The following ATRNL1 variants were observed in gnomAD, a reference collection of about 807,000 sequenced individuals.
ATRNL1 encodes attractin-like protein 1.
In ATRNL1, 95 loss-of-function variants were observed where a neutral mutation model predicts 182.7. That is an observed-to-expected ratio of 0.52 (90% CI 0.44 to 0.62). The LOEUF (loss-of-function observed/expected upper bound fraction) is 0.62. Ranked by LOEUF, ATRNL1 falls within the 20% of genes least tolerant of loss-of-function variation. The pLI is 0.00. For synonymous variants in ATRNL1, 576 were observed against 568.3 expected (o/e 1.01, Z -0.19); for missense variants, 1,471 against 1,679.5 (o/e 0.88, Z 2.17).
intron 24 of ATRNL1, among the ~76,000 whole-genome samples, chr10:115,514,136 C>T (rs1208015381): frequency 6.6e-6 from 1 of 151,892 alleles, no homozygotes; most frequent in African/African-American, 2.4e-5. Context: ...CAGTACTTTA[C>T]TTAATGTTCA....
chr10:115,542,458 C>A (rs1554992312), intron 25 of ATRNL1, among the ~76,000 whole-genome samples: 1 of 152,024 alleles, frequency 6.6e-6, no homozygotes, highest in Non-Finnish European at 1.5e-5. Flanking sequence ...GTGCCAATGC[C>A]ATTTATTGCA....
intron 26 of ATRNL1, among the ~76,000 whole-genome samples, chr10:115,565,441 A>G (rs892902610): frequency 6.6e-6 from 1 of 152,008 alleles, no homozygotes; most frequent in African/African-American, 2.4e-5. Flanking sequence ...ATGTTGGTGT[A>G]GAAAGACTAT....
intron 25 of ATRNL1, among the ~76,000 whole-genome samples, chr10:115,532,494 G>T (rs1163740576): frequency 1.3e-5 from 2 of 152,138 alleles, no homozygotes; most frequent in African/African-American, 4.8e-5. Flanking sequence ...AGACTTTGCT[G>T]AAGTTGCTTA....
At chr10:115,254,170 C>G (rs1322164566) in intron 10 of ATRNL1, among the ~76,000 whole-genome samples, 1 of 152,196 alleles carries the variant, frequency 6.6e-6, no homozygotes, top group East Asian at 1.9e-4. Context: ...ATTGCTGGGT[C>G]AAATGGTAAT....
intron 24 of ATRNL1, among the ~76,000 whole-genome samples, chr10:115,491,014 GC>G (rs1402888208): frequency 2.0e-5 from 3 of 152,146 alleles, no homozygotes; most frequent in Non-Finnish European, 4.4e-5. Context: ...CCTGGAATTT[GC>G]TGGATGTCCA....
At chr10:115,916,344 G>A (rs1416184645) in intron 28 of ATRNL1, among the ~76,000 whole-genome samples, 2 of 152,206 alleles carry the variant, frequency 1.3e-5, no homozygotes, top group African/African-American at 2.4e-5. Flanking sequence ...TGCCTATTGG[G>A]CTCTGTCTGC....
At chr10:115,241,087 G>A (rs1205604528) in intron 9 of ATRNL1, among the ~76,000 whole-genome samples, 1 of 151,804 alleles carries the variant, frequency 6.6e-6, no homozygotes, top group East Asian at 1.9e-4. Context: ...AAATCATTGA[G>A]TTTTAGGCTT....
In ATRNL1 at chr10:115,460,699, A is replaced by G. The variant is rs558730781; in HGVS notation, c.3323-1242A>G. Among the ~76,000 whole-genome samples, 18 of 152,202 alleles carry G rather than the reference A, an allele frequency of 1.2e-4. No individual in the cohort carries two copies. The South Asian group carries it at 3.5e-3, about 30-fold the overall frequency. ...CATGGCTTATTCTCTTACTAGCTCA[A>G]TTCTCTAAATGTTTCTTCTGAAAGC... On this transcript the variant is annotated intron_variant, in intron 21 of 28. Transcript: ENST00000355044.
At chr10:115,535,193 T>G (rs1228766120) in intron 25 of ATRNL1, among the ~76,000 whole-genome samples, 1 of 152,164 alleles carries the variant, frequency 6.6e-6, no homozygotes, top group Non-Finnish European at 1.5e-5. Context: ...GATAATATCC[T>G]GCAGAGTGTT....
At chr10:115,213,131 A>C (rs1342002602) in intron 8 of ATRNL1, among the ~76,000 whole-genome samples, 2 of 152,146 alleles carry the variant, frequency 1.3e-5, no homozygotes, top group South Asian at 4.1e-4. Flanking sequence ...CTTCTCATTC[A>C]AGTCGTGATT....
intron 27 of ATRNL1, among the ~76,000 whole-genome samples, chr10:115,836,450 GGGCTAGAAGTCT>G (rs1445378050): frequency 2.0e-5 from 3 of 152,188 alleles, no homozygotes; most frequent in Non-Finnish European, 2.9e-5. Context: ...AACAGTCTGG[GGGCTAGAAGTCT>G]GGAATGAAGG....
intron 28 of ATRNL1, among the ~76,000 whole-genome samples, chr10:115,928,257 G>A (rs1953293962): frequency 6.6e-6 from 1 of 151,966 alleles, no homozygotes; most frequent in African/African-American, 2.4e-5. Context: ...GTTCCAAGTA[G>A]CAAATTAATT....
chr10:115,250,494 G>C (rs1850829484), intron 10 of ATRNL1, among the ~76,000 whole-genome samples: 1 of 152,114 alleles, frequency 6.6e-6, no homozygotes, highest in African/African-American at 2.4e-5. Flanking sequence ...TTGCATGCAG[G>C]GTAGACTTCA....
At chr10:115,179,232 A>G (rs1008324905) in intron 8 of ATRNL1, among the ~76,000 whole-genome samples, 1 of 151,720 alleles carries the variant, frequency 6.6e-6, no homozygotes, top group African/African-American at 2.4e-5. Context: ...TCTACCTTTT[A>G]TTTTTTTCCA....
chr10:115,267,538 A>G (rs547881894), intron 12 of ATRNL1, among the ~76,000 whole-genome samples: 1 of 152,082 alleles, frequency 6.6e-6, no homozygotes, highest in East Asian at 1.9e-4. Context: ...AATTATTTGG[A>G]TAAATATTGT....
At position 115,127,533 on chromosome 10, in the gene ATRNL1, A is replaced by T. The variant is rs929800910; in HGVS notation, c.492-60A>T. On this transcript the variant is annotated intron_variant, in intron 3 of 28. Coordinates refer to ENST00000355044, the MANE Select transcript of ATRNL1 (RefSeq NM_207303.4). The stretch of plus-strand genomic sequence containing the variant: ...GTAAGAATATTTCTGAGTAAATTTT[A>T]TGTGCTTAACAGTCTTATGTATATC... The T allele has an allele frequency of 9.3e-6, 13 of 1,404,506 alleles. No individual in the cohort carries two copies. In the South Asian group the frequency reaches 1.3e-4, roughly 14 times the overall value. The allele number at this position is 1,404,506 out of a possible 1,614,324, so 87.0% of individuals were successfully genotyped here.
intron 27 of ATRNL1, among the ~76,000 whole-genome samples, chr10:115,783,602 T>G (rs1297101146): frequency 3.3e-5 from 5 of 152,322 alleles, no homozygotes; most frequent in Admixed American, 6.5e-5. Flanking sequence ...CCTTTGAGTT[T>G]TCACATTCAA....
chr10:115,180,896 G>T (rs1209261693), intron 8 of ATRNL1, among the ~76,000 whole-genome samples: 1 of 151,834 alleles, frequency 6.6e-6, no homozygotes, highest in Non-Finnish European at 1.5e-5. Flanking sequence ...AATAGTTTAG[G>T]CTTTGTATCC....
chr10:115,482,263 A>G (rs552519519), intron 24 of ATRNL1, among the ~76,000 whole-genome samples: 6 of 151,238 alleles, frequency 4.0e-5, no homozygotes, highest in African/African-American at 1.4e-4. Context: ...TGCCTTACAA[A>G]TGAATATTCA....
Sources: allele counts gnomAD v4.1 joint callset (sites outside exome capture counted in the v4.1 genomes callset), GRCh38; gene constraint gnomAD v4.1.1; transcripts MANE v1.5; gene names NCBI Gene and HGNC (gene_info 2026-07-23, HGNC 2026-07-21).